PARD3: variants seen among roughly 807,000 people sequenced by gnomAD.
PARD3 encodes par-3 family cell polarity regulator.
In PARD3, 75 loss-of-function variants were observed where a neutral mutation model predicts 155.4. The ratio of observed to expected loss-of-function variants is 0.48; its 90% CI spans 0.40 to 0.58. The LOEUF (loss-of-function observed/expected upper bound fraction) is 0.58. Among genes scored for constraint, PARD3 ranks in the 20% least tolerant of loss-of-function variants. The pLI, the probability that PARD3 is intolerant of heterozygous loss-of-function variation, is 0.00. For synonymous variants in PARD3, 576 were observed against 610.5 expected (o/e 0.94, Z 0.83); for missense variants, 1,642 against 1,721.7 (o/e 0.95, Z 0.82).
In PARD3 at chr10:34,331,363, A is replaced by C; in HGVS notation, c.2606-19T>G. On this transcript the variant is annotated intron_variant, in intron 18 of 24. Coordinates refer to ENST00000374788, the MANE Select transcript of PARD3 (RefSeq NM_001184785.2). ...GGAGAACCTGGGAGGTTTACAAGAA[A>C]AAAAATGTTAGTGTGAATTAGTGAA... 3.9e-6 allele frequency: 6 copies of C among 1,555,348 alleles called. No homozygotes were observed. Among genetic ancestry groups the C allele is most frequent in the Middle Eastern group, 1.7e-4 (1 of 5,936 alleles).
rs370221987 is a variant in PARD3, at chr10:34,205,720, C to G, written c.3419+63937G>C. Among the ~76,000 whole-genome samples the G allele has an allele frequency of 5.3e-5, 8 of 152,258 alleles. No individual in the cohort carries two copies. The South Asian group carries it at 1.5e-3, about 28-fold the overall frequency. ...GGCTGGGCCTGAAGATGGGCAGGGA[C>G]TCACCTCCTGCACTTCCTCCTGCCT... On this transcript the variant is annotated intron_variant, in intron 22 of 24. Transcript: ENST00000374788.
At chr10:34,695,567 C>A (rs1284611300) in intron 2 of PARD3, among the ~76,000 whole-genome samples, 13 of 152,066 alleles carry the variant, frequency 8.5e-5, no homozygotes, top group African/African-American at 2.9e-4. Context: ...CGTTCCTCCT[C>A]CCCCTCCTCT....
chr10:34,484,053 T>C (rs1358129492), intron 3 of PARD3, among the ~76,000 whole-genome samples: 2 of 152,218 alleles, frequency 1.3e-5, no homozygotes, highest in Admixed American at 1.3e-4. Context: ...GGTATTATGC[T>C]TGGGCGCCAT....
At chr10:34,304,368 G>C (rs1589118245) in intron 20 of PARD3, among the ~76,000 whole-genome samples, 1 of 151,802 alleles carries the variant, frequency 6.6e-6, no homozygotes, top group South Asian at 2.1e-4. Flanking sequence ...ATTTTGGGAA[G>C]AGAAGAGACC....
intron 5 of PARD3, among the ~76,000 whole-genome samples, chr10:34,426,093 T>C (rs1450049189): frequency 6.6e-6 from 1 of 152,142 alleles, no homozygotes; most frequent in Non-Finnish European, 1.5e-5. Flanking sequence ...GCAAATATAG[T>C]ATTATATTTT....
At chr10:34,647,756 T>C (rs573871520) in intron 2 of PARD3, among the ~76,000 whole-genome samples, 1 of 152,374 alleles carries the variant, frequency 6.6e-6, no homozygotes, top group East Asian at 1.9e-4. Flanking sequence ...TCCATATTTG[T>C]AGTTGCTAAG....
chr10:34,418,756 CCT>C (rs1238272093), intron 5 of PARD3, among the ~76,000 whole-genome samples: 1 of 151,984 alleles, frequency 6.6e-6, no homozygotes, highest in Non-Finnish European at 1.5e-5. Flanking sequence ...AACCTTGTCC[CCT>C]GAGAGAGCTT....
rs539157070 is a variant in PARD3 at position 34,228,032 on chromosome 10, G to A, written c.3419+41625C>T. Among the ~76,000 whole-genome samples, 156 of 150,890 alleles carry A rather than the reference G, an allele frequency of 1.0e-3. 2 individuals carry two copies. The highest frequency in any genetic ancestry group is 3.8e-3 in the African/African-American group (154 of 40,556). On this transcript the variant is annotated intron_variant, in intron 22 of 24. Transcript: ENST00000374788. ...CCAGCCTAGTTGCCCACCAATGGTG[G>A]ACTGAATAAAGAAAATGTGGCACAT...
At chr10:34,768,391 C>CGGGACAACTCGAAGCAAAGGT (rs1564599431) in intron 1 of PARD3, among the ~76,000 whole-genome samples, 2 of 151,462 alleles carry the variant, frequency 1.3e-5, no homozygotes, top group Non-Finnish European at 2.9e-5. Context: ...GAAGCAAAGG[C>CGGGACAACTCGAAGCAAAGGT]GGGACAACTC....
At chr10:34,371,029 G>A (rs1229629537) in intron 12 of PARD3, among the ~76,000 whole-genome samples, 1 of 152,080 alleles carries the variant, frequency 6.6e-6, no homozygotes, top group Non-Finnish European at 1.5e-5. Flanking sequence ...TGCACATCAT[G>A]TCAGTTTCTG....
intron 20 of PARD3, among the ~76,000 whole-genome samples, chr10:34,295,809 G>A (rs1956882226): frequency 6.6e-6 from 1 of 152,032 alleles, no homozygotes; most frequent in South Asian, 2.1e-4. Flanking sequence ...ACTCTATTGA[G>A]GAAATAATTC....
At chr10:34,242,426 G>A (rs1953666799) in intron 22 of PARD3, among the ~76,000 whole-genome samples, 1 of 151,864 alleles carries the variant, frequency 6.6e-6, no homozygotes, top group Non-Finnish European at 1.5e-5. Context: ...ACGATGGTAG[G>A]AGGCGACTAC....
At chr10:34,776,833 T>TTTTG (rs1564608800) in intron 1 of PARD3, among the ~76,000 whole-genome samples, 17 of 9,904 alleles carry the variant, frequency 1.7e-3, no homozygotes, top group African/African-American at 4.9e-3. Flanking sequence ...CGTGTTTTTT[T>TTTTG]GTGGGGGGGG....
At chr10:34,751,490 T>C (rs1836023927) in intron 1 of PARD3, among the ~76,000 whole-genome samples, 1 of 152,198 alleles carries the variant, frequency 6.6e-6, no homozygotes, top group Admixed American at 6.5e-5. Flanking sequence ...ATTATAGTAC[T>C]TTAATTGTCC....
chr10:34,681,730 T>TATA (rs2093826746), intron 2 of PARD3, among the ~76,000 whole-genome samples: 37 of 29,972 alleles, frequency 1.2e-3, no homozygotes, highest in African/African-American at 2.9e-3. Context: ...CGTATGTATT[T>TATA]TATATATATA....
At chr10:34,127,608 G>A (rs1053064400) in intron 23 of PARD3, among the ~76,000 whole-genome samples, 1 of 152,176 alleles carries the variant, frequency 6.6e-6, no homozygotes, top group Admixed American at 6.5e-5. Context: ...ATTAGTTAAA[G>A]AGTAAATGTC....
chr10:34,325,618 A>T (rs533041197), intron 19 of PARD3, among the ~76,000 whole-genome samples: 1 of 151,998 alleles, frequency 6.6e-6, no homozygotes, highest in African/African-American at 2.4e-5. Context: ...CACTGGGTTG[A>T]ATCATCCCCC....
At chr10:34,216,090 C>G (rs1311338050) in intron 22 of PARD3, among the ~76,000 whole-genome samples, 4 of 152,098 alleles carry the variant, frequency 2.6e-5, no homozygotes, top group African/African-American at 9.7e-5. Context: ...GTCAGATGGT[C>G]GACACTTATT....
At position 34,201,543 on chromosome 10, in the gene PARD3, G is replaced by C. The variant is rs181505252; in HGVS notation, c.3419+68114C>G. On this transcript the variant is annotated intron_variant, in intron 22 of 24. Coordinates refer to ENST00000374788, the MANE Select transcript of PARD3 (RefSeq NM_001184785.2). ...TTGGAGAGAGAAGTTTCAGTTGTTGGTTCATCTCTTCAGAGTGCTGAAAGT... is the reference window on the plus strand; with the variant it reads ...TTGGAGAGAGAAGTTTCAGTTGTTGCTTCATCTCTTCAGAGTGCTGAAAGT... Among the ~76,000 whole-genome samples the C allele has an allele frequency of 2.2e-3, 331 of 152,278 alleles. 1 individual carries two copies. Among genetic ancestry groups the C allele is most frequent in the African/African-American group, 7.3e-3 (305 of 41,552 alleles).
Sources: allele counts gnomAD v4.1 joint callset (sites outside exome capture counted in the v4.1 genomes callset), GRCh38; gene constraint gnomAD v4.1.1; transcripts MANE v1.5; gene names NCBI Gene and HGNC (gene_info 2026-07-23, HGNC 2026-07-21).